The following GTF2F2 variants were observed in gnomAD, a reference collection of about 807,000 sequenced individuals.
The protein encoded by GTF2F2 is ATP-dependent helicase GTF2F2.
In GTF2F2, 23 loss-of-function variants were observed where a neutral mutation model predicts 42.2. That is an observed-to-expected ratio of 0.55 (90% CI 0.39 to 0.77). The LOEUF is 0.77. GTF2F2 is among the 30% of genes least tolerant of loss of function. The probability of loss-of-function intolerance (pLI) is 0.00; values close to 1 mark genes in which losing one functional copy is unlikely to be tolerated. For synonymous variants in GTF2F2, 105 were observed against 100.8 expected (o/e 1.04, Z -0.25); for missense variants, 261 against 287.2 (o/e 0.91, Z 0.66).
intron 4 of GTF2F2, among the ~76,000 whole-genome samples, chr13:45,168,684 T>C (rs1871420740): frequency 6.6e-6 from 1 of 152,024 alleles, no homozygotes; most frequent in Non-Finnish European, 1.5e-5. Flanking sequence ...CCGATCTCGG[T>C]TCATGGCACC....
chr13:45,233,058 G>A (rs981429151), intron 5 of GTF2F2, among the ~76,000 whole-genome samples: 3 of 152,106 alleles, frequency 2.0e-5, no homozygotes, highest in Non-Finnish European at 4.4e-5. Context: ...TTTATGAAAC[G>A]TACTCCATAT....
intron 4 of GTF2F2, among the ~76,000 whole-genome samples, chr13:45,192,584 C>T (rs1872703749): frequency 6.6e-6 from 1 of 152,050 alleles, no homozygotes; most frequent in African/African-American, 2.4e-5. Flanking sequence ...AGTTAAAGAA[C>T]AAGTGAAATG....
intron 7 of GTF2F2, among the ~76,000 whole-genome samples, chr13:45,281,267 A>T (rs1877248567): frequency 6.6e-6 from 1 of 152,178 alleles, no homozygotes. Context: ...GGCTGCTGGC[A>T]TGGGAAGGCT....
At chr13:45,252,010 G>T (rs1435555604) in intron 5 of GTF2F2, among the ~76,000 whole-genome samples, 1 of 152,120 alleles carries the variant, frequency 6.6e-6, no homozygotes, top group East Asian at 1.9e-4. Context: ...ATAAGTAAAT[G>T]ATTATAAGCC....
intron 5 of GTF2F2, among the ~76,000 whole-genome samples, chr13:45,247,521 T>G (rs555495898): frequency 6.6e-6 from 1 of 151,670 alleles, no homozygotes; most frequent in East Asian, 2.0e-4. Flanking sequence ...GCCTCCCAAG[T>G]AGCTGGGAGT....
intron 4 of GTF2F2, among the ~76,000 whole-genome samples, chr13:45,175,790 T>TTG (rs1593471959): frequency 6.6e-6 from 1 of 152,110 alleles, no homozygotes; most frequent in Admixed American, 6.5e-5. Context: ...ACCTGGCTAA[T>TTG]TGTGTGTGTT....
Position 45,235,767 on chromosome 13 carries a change from T to A in GTF2F2, c.387-17104T>A, listed in dbSNP as rs183203634. 4.5e-3 allele frequency among the ~76,000 whole-genome samples: 681 copies of A among 151,958 alleles called. 3 individuals are homozygous for A. Among genetic ancestry groups the A allele is most frequent in the Non-Finnish European group, 7.5e-3 (507 of 67,944 alleles). On this transcript the variant is annotated intron_variant, in intron 5 of 7. Transcript: ENST00000340473. ...ACCACACCTGGCTTTTATTTTTTTT[T>A]ATTTATTTTTTATTTTTAGTAGAGA...
At chr13:45,184,010 C>T (rs1003723119) in intron 4 of GTF2F2, among the ~76,000 whole-genome samples, 1 of 151,988 alleles carries the variant, frequency 6.6e-6, no homozygotes, top group African/African-American at 2.4e-5. Flanking sequence ...TGTGCACTAC[C>T]AACCCTGGCT....
At chr13:45,236,055 T>C (rs1386988717) in intron 5 of GTF2F2, among the ~76,000 whole-genome samples, 1 of 152,232 alleles carries the variant, frequency 6.6e-6, no homozygotes, top group East Asian at 1.9e-4. Context: ...TAGATGCATT[T>C]AATTGTTTTC....
At chr13:45,142,815 G>A (rs1869996805) in intron 2 of GTF2F2, among the ~76,000 whole-genome samples, 1 of 152,204 alleles carries the variant, frequency 6.6e-6, no homozygotes, top group Non-Finnish European at 1.5e-5. Context: ...TTAAACAAGT[G>A]TAGGATGGGT....
At chr13:45,179,670 C>T (rs1872052488) in intron 4 of GTF2F2, among the ~76,000 whole-genome samples, 1 of 152,172 alleles carries the variant, frequency 6.6e-6, no homozygotes, top group Non-Finnish European at 1.5e-5. Flanking sequence ...TGTATTGGCT[C>T]ATGACCACAG....
At chr13:45,191,097 C>A (rs1332671401) in intron 4 of GTF2F2, among the ~76,000 whole-genome samples, 2 of 150,154 alleles carry the variant, frequency 1.3e-5, no homozygotes, top group African/African-American at 4.9e-5. Flanking sequence ...GCCGGCCGGG[C>A]GCAGTGGCTC....
chr13:45,136,253 T>C lies in GTF2F2; in HGVS notation c.67-480T>C, dbSNP rs373429713. 2.2e-4 allele frequency among the ~76,000 whole-genome samples: 33 copies of C among 152,374 alleles called. 1 individual carries two copies. Among genetic ancestry groups the C allele is most frequent in the East Asian group, 1.5e-3 (8 of 5,194 alleles). On this transcript the variant is annotated intron_variant, in intron 1 of 7. Transcript: ENST00000340473. ...ACAGTGTCAGGAAGGCAGGATTATA[T>C]AAATGTTAGCTATGCTGTTTAATAA...
At chr13:45,275,235 T>C (rs1020893862) in intron 7 of GTF2F2, among the ~76,000 whole-genome samples, 6 of 152,148 alleles carry the variant, frequency 3.9e-5, no homozygotes. Flanking sequence ...GTATGAGAGA[T>C]TGGCTCCAGG....
chr13:45,120,906 G>A (rs1454922120), intron 1 of GTF2F2, among the ~76,000 whole-genome samples, 185 bp downstream of exon 1: 2 of 152,162 alleles, frequency 1.3e-5, no homozygotes, highest in Non-Finnish European at 2.9e-5. Context: ...GTTTAGGGAC[G>A]CAAAGTGTCT....
intron 5 of GTF2F2, among the ~76,000 whole-genome samples, chr13:45,245,482 A>C (rs938397603): frequency 6.6e-6 from 1 of 151,704 alleles, no homozygotes; most frequent in East Asian, 1.9e-4. Flanking sequence ...ACATCCCCAA[A>C]AGTCATTGTA....
chr13:45,135,867 A>G (rs886250161), intron 1 of GTF2F2, among the ~76,000 whole-genome samples: 1 of 152,236 alleles, frequency 6.6e-6, no homozygotes, highest in Non-Finnish European at 1.5e-5. Context: ...ACTCCTAATA[A>G]TAGGATAACT....
Position 45,274,494 on chromosome 13 carries a change from T to G in GTF2F2, c.630+7118T>G, listed in dbSNP as rs181467825. On this transcript the variant is annotated intron_variant, in intron 7 of 7. Transcript: ENST00000340473. ...GGCACATGCCACCACACCTAGCTAA[T>G]TTTTTTGTATAATTTTAGTAGATAC... Among the ~76,000 whole-genome samples the G allele has an allele frequency of 2.9e-3, 447 of 152,004 alleles. 8 individuals are homozygous for G. Among genetic ancestry groups the G allele is most frequent in the Admixed American group, 0.024 (368 of 15,262 alleles).
intron 5 of GTF2F2, among the ~76,000 whole-genome samples, chr13:45,222,767 A>G (rs911809799): frequency 6.6e-6 from 1 of 152,238 alleles, no homozygotes; most frequent in Non-Finnish European, 1.5e-5. Context: ...TTCACTGTAG[A>G]TAATTTGTTC....
Sources: gnomAD v4.1 joint callset for allele counts (sites outside exome capture counted in the v4.1 genomes callset) on GRCh38, gnomAD v4.1.1 for gene constraint, MANE v1.5 for transcripts, NCBI Gene and HGNC (gene_info 2026-07-23, HGNC 2026-07-21) for gene names.